The following UGT1A10 variants were observed in gnomAD, a reference collection of about 807,000 sequenced individuals.
The protein encoded by UGT1A10 is UDP glucuronosyltransferase family 1 member A10.
A neutral mutation model predicts 45.8 loss-of-function variants in UGT1A10; 49 were observed. The observed-to-expected ratio is 1.07, with a 90% CI of 0.85 to 1.36. UGT1A10 has a LOEUF of 1.36. Among genes scored for constraint, UGT1A10 ranks in the 40% most tolerant of loss-of-function variants. The pLI is 0.00. For missense variants in UGT1A10, 745 were observed against 668.6 expected (o/e 1.11, Z -1.26); for synonymous variants, 284 against 249.7 (o/e 1.14, Z -1.29).
chr2:233,684,642 A>G (rs2074689250), intron 1 of UGT1A10, among the ~76,000 whole-genome samples: 1 of 152,206 alleles, frequency 6.6e-6, no homozygotes, highest in African/African-American at 2.4e-5. Flanking sequence ...TATAAAATAT[A>G]TGCATTTATA....
At chr2:233,682,454 T>G (rs749559644) in intron 1 of UGT1A10, 10 of 1,613,828 alleles carry the variant, frequency 6.2e-6, no homozygotes, top group African/African-American at 1.3e-5. Context: ...CAGGGGAATA[T>G]TTTGCCACTA....
chr2:233,708,348 TC>T (rs1318503121), intron 1 of UGT1A10: 2 of 152,232 alleles, frequency 1.3e-5, no homozygotes, highest in African/African-American at 4.8e-5. Flanking sequence ...AATTTTCATT[TC>T]CCTTATTAAT....
chr2:233,768,582 C>CTTTTTTTTTT (rs139595073), intron 4 of UGT1A10, 143 bp downstream of exon 4: 1 of 867,188 alleles, frequency 1.2e-6, no homozygotes, highest in Non-Finnish European at 1.4e-6. Flanking sequence ...TTTATTTCTT[C>CTTTTTTTTTT]TTTTTTTTTT....
chr2:233,651,068 G>A (rs2073727923), intron 1 of UGT1A10, among the ~76,000 whole-genome samples: 1 of 152,208 alleles, frequency 6.6e-6, no homozygotes, highest in Non-Finnish European at 1.5e-5. Context: ...GAAGACTACA[G>A]TTTTAGACCT....
In UGT1A10 at chr2:233,676,139, C is replaced by A. The variant is rs117461187; in HGVS notation, c.855+38762C>A. 5.3e-5 allele frequency among the ~76,000 whole-genome samples: 8 copies of A among 152,256 alleles called. No individual in the cohort carries two copies. The East Asian group carries it at 1.4e-3, about 26-fold the overall frequency. On this transcript the variant is annotated intron_variant, in intron 1 of 4. Coordinates refer to ENST00000344644, the MANE Select transcript of UGT1A10 (RefSeq NM_019075.4). The stretch of plus-strand genomic sequence containing the variant: ...GAAGACCCACCCTGGGGTCCTTGAG[C>A]TCCAGCGTCAGACTCCAAAACCATT...
intron 1 of UGT1A10, among the ~76,000 whole-genome samples, chr2:233,738,389 G>A (rs1690778060): frequency 6.6e-6 from 1 of 152,226 alleles, no homozygotes; most frequent in Non-Finnish European, 1.5e-5. Context: ...AAATGTGGAA[G>A]TGACTTGGAA....
chr2:233,729,015 A>G, intron 1 of UGT1A10: 2 of 1,589,624 alleles, frequency 1.3e-6, no homozygotes, highest in Non-Finnish European at 1.7e-6. Context: ...CTGTCTTCCA[A>G]TTACACGTTG....
At chr2:233,638,389 T>C (rs2073360339) in intron 1 of UGT1A10, among the ~76,000 whole-genome samples, 1 of 152,218 alleles carries the variant, frequency 6.6e-6, no homozygotes, top group African/African-American at 2.4e-5. Flanking sequence ...GCCACATCAC[T>C]AACTTTTCTT....
intron 1 of UGT1A10, among the ~76,000 whole-genome samples, chr2:233,659,489 G>T (rs1167198868): frequency 6.6e-6 from 1 of 152,132 alleles, no homozygotes; most frequent in Non-Finnish European, 1.5e-5. Context: ...GAGAAAAAAT[G>T]TATTAAGTAT....
In UGT1A10 at chr2:233,636,465, G is replaced by A. The variant is rs1002166416; in HGVS notation, c.-58G>A. ...CAGGTTTTGTGCCTGTACTTCTTCC[G>A]CCTACTGTATCATAGCAGCTTAGAA... On this transcript the variant is annotated 5_prime_UTR_variant, in exon 1 of 5. Coordinates refer to ENST00000344644, the MANE Select transcript of UGT1A10 (RefSeq NM_019075.4). 2.6e-5 allele frequency: 41 copies of A among 1,556,514 alleles called. No homozygotes were observed. Among genetic ancestry groups the A allele is most frequent in the South Asian group, 2.0e-4 (16 of 81,142 alleles).
In UGT1A10 at chr2:233,719,687, G is replaced by A. The variant is rs769294499; in HGVS notation, c.856-47347G>A. On this transcript the variant is annotated intron_variant, in intron 1 of 4. Coordinates refer to ENST00000344644, the MANE Select transcript of UGT1A10 (RefSeq NM_019075.4). ...GTGCCAACGGGAAGCCACTATCTCA[G>A]GTCTGTATTGGTGCCTTCATCCAAT... 1.5e-5 allele frequency: 25 copies of A among 1,613,862 alleles called. No homozygotes were observed. The African/African-American group carries it at 2.7e-4, about 17-fold the overall frequency.
chr2:233,644,209 G>C (rs1235617712), intron 1 of UGT1A10, among the ~76,000 whole-genome samples: 1 of 152,114 alleles, frequency 6.6e-6, no homozygotes, highest in Non-Finnish European at 1.5e-5. Context: ...CGGTGGTGAG[G>C]TCTGTGGGCA....
chr2:233,760,575 G>C, intron 1 of UGT1A10: 1 of 1,614,226 alleles, frequency 6.2e-7, no homozygotes. Flanking sequence ...TTAGTCTCGG[G>C]CATAATGTTT....
intron 1 of UGT1A10, 66 bp downstream of exon 1, chr2:233,637,443 A>G: frequency 6.5e-7 from 1 of 1,527,648 alleles, no homozygotes; most frequent in South Asian, 1.3e-5. Context: ...AGGATTCCTT[A>G]CTGAACTGTG....
At chr2:233,683,949 A>G (rs2074657322) in intron 1 of UGT1A10, among the ~76,000 whole-genome samples, 2 of 152,204 alleles carry the variant, frequency 1.3e-5, no homozygotes, top group Non-Finnish European at 2.9e-5. Flanking sequence ...TGGTCTAGCC[A>G]GCTTAAATTA....
chr2:233,743,704 C>G, intron 1 of UGT1A10: 2 of 1,367,360 alleles, frequency 1.5e-6, no homozygotes, highest in Non-Finnish European at 2.0e-6. Context: ...CCTCCGCCCC[C>G]GCCTCGCCAT....
At chr2:233,724,339 G>T (rs2077227774) in intron 1 of UGT1A10, among the ~76,000 whole-genome samples, 3 of 142,760 alleles carry the variant, frequency 2.1e-5, no homozygotes, top group Non-Finnish European at 3.1e-5. Context: ...GCGGGGGGCT[G>T]ACCCCCCCCA....
chr2:233,679,767 T>G (rs1304218276), intron 1 of UGT1A10, among the ~76,000 whole-genome samples: 1 of 152,176 alleles, frequency 6.6e-6, no homozygotes, highest in African/African-American at 2.4e-5. Context: ...TTGTTGCCAT[T>G]AAATTCTCCA....
rs757705398 is a variant in UGT1A10 at position 233,672,800 on chromosome 2, T to G, written c.855+35423T>G. The G allele has an allele frequency of 6.2e-6, 10 of 1,612,020 alleles. No individual in the cohort carries two copies. In the Admixed American group the frequency reaches 1.0e-4, roughly 16 times the overall value. ...AAGCCGTTGCCTATGGTAAGTTATC[T>G]CTCCTTTAGCACCTTAAGAATACTT... On this transcript the variant is annotated intron_variant, in intron 1 of 4. Coordinates refer to ENST00000344644, the MANE Select transcript of UGT1A10 (RefSeq NM_019075.4).
Sources: allele counts gnomAD v4.1 joint callset (sites outside exome capture counted in the v4.1 genomes callset), GRCh38; gene constraint gnomAD v4.1.1; transcripts MANE v1.5; gene names NCBI Gene and HGNC (gene_info 2026-07-23, HGNC 2026-07-21).